The following PDE4B variants were observed in gnomAD, a reference collection of about 807,000 sequenced individuals.
PDE4B encodes 3',5'-cyclic-AMP phosphodiesterase 4B.
PDE4B carries 20 observed loss-of-function variants against 82.2 expected under a neutral mutation model. The ratio of observed to expected loss-of-function variants is 0.24; its 90% confidence interval spans 0.17 to 0.35. The LOEUF is 0.35. PDE4B is among the 10% of genes least tolerant of loss of function. PDE4B has a pLI of 1.00. For missense variants in PDE4B, 655 were observed against 907.2 expected, an observed-to-expected ratio of 0.72 and a Z score of 3.57; for synonymous variants, 320 against 318.9, an observed-to-expected ratio of 1.00 and a Z score of -0.04.
intron 7 of PDE4B, among the ~76,000 whole-genome samples, chr1:66,312,641 T>C (rs1264804726): frequency 6.6e-6 from 1 of 152,220 alleles, no homozygotes; most frequent in East Asian, 1.9e-4. Context: ...ACAGCACATG[T>C]TTACAGGTTG....
intron 3 of PDE4B, among the ~76,000 whole-genome samples, chr1:66,193,075 T>G (rs1006563248): frequency 2.0e-5 from 3 of 152,178 alleles, no homozygotes; most frequent in African/African-American, 7.2e-5. Flanking sequence ...TGGATTTTAT[T>G]TGTACACAGA....
chr1:66,211,765 T>A (rs1210854157), intron 3 of PDE4B, among the ~76,000 whole-genome samples: 2 of 152,214 alleles, frequency 1.3e-5, no homozygotes, highest in Admixed American at 1.3e-4. Flanking sequence ...CAGAAAATTT[T>A]TAATCCCAAC....
intron 3 of PDE4B, among the ~76,000 whole-genome samples, chr1:66,246,970 C>T (rs905722862): frequency 1.2e-4 from 19 of 152,096 alleles, no homozygotes; most frequent in Non-Finnish European, 2.1e-4. Flanking sequence ...TTTAGAAATA[C>T]GTGTATTGTA....
chr1:66,279,033 T>G (rs1303308571), intron 7 of PDE4B, among the ~76,000 whole-genome samples: 1 of 152,172 alleles, frequency 6.6e-6, no homozygotes, highest in Non-Finnish European at 1.5e-5. Context: ...CTGGCTTTCC[T>G]CATCCACAGA....
intron 3 of PDE4B, among the ~76,000 whole-genome samples, chr1:66,183,027 G>A (rs1647103453): frequency 6.6e-6 from 1 of 152,178 alleles, no homozygotes; most frequent in Admixed American, 6.6e-5. Flanking sequence ...TATCCAGCTT[G>A]TCTTTAAAGT....
chr1:66,165,822 G>A (rs541668085), intron 3 of PDE4B, among the ~76,000 whole-genome samples: 8 of 151,984 alleles, frequency 5.3e-5, no homozygotes, highest in Admixed American at 1.3e-4. Context: ...CCCCAGATTC[G>A]TTTACAGATT....
chr1:66,155,710 G>C (rs1232719813), intron 3 of PDE4B, among the ~76,000 whole-genome samples: 1 of 151,972 alleles, frequency 6.6e-6, no homozygotes, highest in Non-Finnish European at 1.5e-5. Flanking sequence ...ATACCATCAT[G>C]AGAAAACACA....
At chr1:65,890,984 C>T (rs1028482344) in intron 1 of PDE4B, among the ~76,000 whole-genome samples, 1 of 152,026 alleles carries the variant, frequency 6.6e-6, no homozygotes, top group African/African-American at 2.4e-5. Context: ...GAAGAACTCA[C>T]CTACCTGTAC....
chr1:66,242,377 C>T lies in PDE4B; in HGVS notation c.282-5083C>T, dbSNP rs114782406. Among the ~76,000 whole-genome samples, 936 of 152,326 alleles carry T rather than the reference C, an allele frequency of 6.1e-3. 6 individuals carry two copies. The highest frequency in any genetic ancestry group is 0.037 in the Middle Eastern group (11 of 294). ...GCAAAATTGAGACAGCAAGAGCTCT[C>T]TCCCAAAAGGCAGTGAACCATTCTG... On this transcript the variant is annotated intron_variant, in intron 3 of 16. Coordinates refer to ENST00000341517, the MANE Select transcript of PDE4B (RefSeq NM_002600.4).
chr1:66,319,255 C>G (rs1396069076), intron 7 of PDE4B, among the ~76,000 whole-genome samples: 2 of 152,208 alleles, frequency 1.3e-5, no homozygotes, highest in Non-Finnish European at 2.9e-5. Flanking sequence ...TCTTAGTCCT[C>G]TTCTCCTCCT....
intron 16 of PDE4B, among the ~76,000 whole-genome samples, chr1:66,371,733 T>C (rs1416629089): frequency 2.0e-5 from 3 of 152,146 alleles, no homozygotes; most frequent in African/African-American, 7.2e-5. Flanking sequence ...CTTGAGAAAT[T>C]CCAGAGTAGT....
intron 3 of PDE4B, among the ~76,000 whole-genome samples, chr1:65,962,797 T>C (rs1246002658): frequency 2.6e-5 from 4 of 152,212 alleles, no homozygotes; most frequent in African/African-American, 9.6e-5. Context: ...CCCAGAGATC[T>C]TTCTATCCCA....
At chr1:65,829,995 A>G (rs190364511) in intron 1 of PDE4B, among the ~76,000 whole-genome samples, 5 of 152,296 alleles carry the variant, frequency 3.3e-5, no homozygotes, top group African/African-American at 1.2e-4. Flanking sequence ...AGTTCTTCTA[A>G]AAGGAACAAG....
intron 1 of PDE4B, among the ~76,000 whole-genome samples, chr1:65,850,995 G>A (rs1646325960): frequency 1.3e-5 from 2 of 152,138 alleles, no homozygotes; most frequent in African/African-American, 4.8e-5. Context: ...TAATACTTGA[G>A]GTTCACATGT....
intron 3 of PDE4B, among the ~76,000 whole-genome samples, chr1:65,978,637 T>C (rs975302786): frequency 5.9e-5 from 9 of 152,314 alleles, no homozygotes; most frequent in African/African-American, 1.9e-4. Flanking sequence ...TTAGTAATCT[T>C]AATAAAAATA....
At position 66,372,576 on chromosome 1, in the gene PDE4B, C is replaced by T. The variant is rs960843823; in HGVS notation, c.2109C>T (p.Ser703=). 6.2e-7 allele frequency: 1 copy of T among 1,614,152 alleles called. No homozygotes were observed. The highest frequency in any genetic ancestry group is 8.5e-7 in the Non-Finnish European group (1 of 1,179,996). ...EKEGEGHSYF[S]STKTLCVIDP... is the part of the protein sequence containing the mutation. ...AGGGAGAGGGACACAGCTATTTCAGCAGCACAAAGACGCTTTGTGTGATTG... is the reference window on the plus strand; with the variant it reads ...AGGGAGAGGGACACAGCTATTTCAGTAGCACAAAGACGCTTTGTGTGATTG... Residue 703 remains serine (S), a synonymous_variant, in exon 17 of 17, where the codon AGC becomes AGT. Coordinates refer to ENST00000341517, the MANE Select transcript of PDE4B (RefSeq NM_002600.4).
At chr1:65,947,172 G>C (rs976895920) in intron 3 of PDE4B, among the ~76,000 whole-genome samples, 7 of 152,088 alleles carry the variant, frequency 4.6e-5, no homozygotes, top group Non-Finnish European at 1.5e-5. Flanking sequence ...TTATGACAAA[G>C]AGCAGGAGAA....
rs75486266 is a variant in PDE4B at position 66,263,600 on chromosome 1, T to C, written c.585-2438T>C. 1.1e-3 allele frequency among the ~76,000 whole-genome samples: 175 copies of C among 152,272 alleles called. 2 individuals carry two copies. In the East Asian group the frequency reaches 0.023, roughly 20 times the overall value. ...TGTAAGCAAAGAGATCAGAACTGGA[T>C]CCTGCCATCAACAGGTCACAGATTA... On this transcript the variant is annotated intron_variant, in intron 6 of 16. Coordinates refer to ENST00000341517, the MANE Select transcript of PDE4B (RefSeq NM_002600.4).
intron 3 of PDE4B, among the ~76,000 whole-genome samples, chr1:66,199,966 T>C (rs942537361): frequency 2.2e-4 from 33 of 152,180 alleles, no homozygotes; most frequent in Non-Finnish European, 4.0e-4. Context: ...TTCTAGGGTT[T>C]TTATGGTTTT....
Sources: gnomAD v4.1 joint callset for allele counts (sites outside exome capture counted in the v4.1 genomes callset) on GRCh38, gnomAD v4.1.1 for gene constraint, MANE v1.5 for transcripts, NCBI Gene and HGNC (gene_info 2026-07-23, HGNC 2026-07-21) for gene names.